PRMT2: variants seen among roughly 807,000 people sequenced by gnomAD.
PRMT2 encodes protein arginine N-methyltransferase 2.
A neutral mutation model predicts 57.6 loss-of-function variants in PRMT2; 26 were observed. That is an observed-to-expected ratio of 0.45 (90% CI 0.33 to 0.63). PRMT2 has a LOEUF of 0.63. Among genes scored for constraint, PRMT2 ranks in the 20% least tolerant of loss-of-function variants. PRMT2 has a pLI of 0.02. For synonymous variants in PRMT2, 219 were observed against 220.0 expected, an observed-to-expected ratio of 1.00 and a Z score of 0.04; for missense variants, 472 against 564.4, an observed-to-expected ratio of 0.84 and a Z score of 1.66.
intron 7 of PRMT2, among the ~76,000 whole-genome samples, chr21:46,655,312 C>T (rs1169083156): frequency 6.6e-6 from 1 of 151,972 alleles, no homozygotes; most frequent in Non-Finnish European, 1.5e-5. Flanking sequence ...CTCAAGAAAA[C>T]ATTAGCAAAT....
At position 46,639,061 on chromosome 21, in the gene PRMT2, A is replaced by T. The variant is rs181437424; in HGVS notation, c.39+2071A>T. Among the ~76,000 whole-genome samples the T allele has an allele frequency of 5.3e-5, 8 of 152,332 alleles. 1 individual carries two copies. In the East Asian group the frequency reaches 1.3e-3, roughly 26 times the overall value. On this transcript the variant is annotated intron_variant, in intron 3 of 11. Transcript: ENST00000355680. ...ACCTCACATATTTAAATGCATTTTCATTCTTCAAAATATTTTCTAATATAT... is the reference window on the plus strand; with the variant it reads ...ACCTCACATATTTAAATGCATTTTCTTTCTTCAAAATATTTTCTAATATAT...
intron 7 of PRMT2, among the ~76,000 whole-genome samples, chr21:46,651,518 G>C (rs1050110132): frequency 6.6e-6 from 1 of 152,118 alleles, no homozygotes; most frequent in South Asian, 2.1e-4. Context: ...GGGTGAGTCA[G>C]ACAGGACCAT....
chr21:46,663,793 G>A (rs772950500), intron 11 of PRMT2, among the ~76,000 whole-genome samples: 2 of 152,178 alleles, frequency 1.3e-5, no homozygotes, highest in Admixed American at 6.5e-5. Context: ...CAGGTGACAC[G>A]GTAAGTGAGG....
chr21:46,642,463 C>G (rs961277757), intron 3 of PRMT2, among the ~76,000 whole-genome samples: 1 of 152,158 alleles, frequency 6.6e-6, no homozygotes, highest in African/African-American at 2.4e-5. Context: ...TGTTACGTGT[C>G]CACTTTTTTA....
At chr21:46,661,077 CTAAT>C (rs942885925) in intron 9 of PRMT2, 115 bp downstream of exon 9, 9 of 1,017,360 alleles carry the variant, frequency 8.8e-6, no homozygotes, top group Non-Finnish European at 1.2e-5. Context: ...GAGTGAATAA[CTAAT>C]TATTTTATTA....
At chr21:46,646,350 A>G (rs987610610) in intron 5 of PRMT2, among the ~76,000 whole-genome samples, 1 of 152,226 alleles carries the variant, frequency 6.6e-6, no homozygotes, top group African/African-American at 2.4e-5. Context: ...TGAAAAGCCA[A>G]TTCCAGCCTC....
At position 46,649,748 on chromosome 21, in the gene PRMT2, G is replaced by A. The variant is rs768217905; in HGVS notation, c.654+9G>A. The A allele has an allele frequency of 3.9e-5, 63 of 1,610,586 alleles. No individual in the cohort carries two copies. Among genetic ancestry groups the A allele is most frequent in the Non-Finnish European group, 4.7e-5 (55 of 1,178,594 alleles). On this transcript the variant is annotated intron_variant, in intron 7 of 11. Transcript: ENST00000355680. This position sits in a 1 kb window ranked among gnomAD's most constrained non-coding sequence, Gnocchi z 4.8. The stretch of plus-strand genomic sequence containing the variant: ...TGGGGACCTGCCTGCTGGTGAGGGC[G>A]GGCGTGCGGGCAGCTGGGGGCCGGA...
intron 7 of PRMT2, chr21:46,652,624 T>C: frequency 1.0e-6 from 1 of 985,250 alleles, no homozygotes; most frequent in Non-Finnish European, 1.2e-6. Flanking sequence ...TGCACCGCCA[T>C]GCCCTTTTTT....
chr21:46,642,229 A>G (rs2148967147), intron 3 of PRMT2, among the ~76,000 whole-genome samples: 1 of 152,364 alleles, frequency 6.6e-6, no homozygotes, highest in East Asian at 1.9e-4. Flanking sequence ...ATACAGAATG[A>G]TTTATGTTGA....
At chr21:46,656,585 A>G (rs1465539046) in intron 7 of PRMT2, among the ~76,000 whole-genome samples, 2 of 152,174 alleles carry the variant, frequency 1.3e-5, no homozygotes, top group Non-Finnish European at 1.5e-5. Flanking sequence ...TAATGGAGAA[A>G]AGACAGTCTT....
intron 7 of PRMT2, chr21:46,651,965 C>T (rs2061464742): frequency 2.5e-6 from 4 of 1,613,316 alleles, no homozygotes; most frequent in Non-Finnish European, 3.4e-6. Flanking sequence ...AGCCCCTCAG[C>T]CCTCAGGCCT....
intron 5 of PRMT2, 108 bp downstream of exon 5, chr21:46,644,596 C>T (rs1171853296): frequency 8.6e-7 from 1 of 1,158,630 alleles, no homozygotes; most frequent in Non-Finnish European, 1.2e-6. Flanking sequence ...GGCCAGAGCT[C>T]CTCTGTTGTA....
At chr21:46,654,293 CTT>C (rs374387890) in intron 7 of PRMT2, 15 of 350,578 alleles carry the variant, frequency 4.3e-5, no homozygotes, top group African/African-American at 2.9e-4. Flanking sequence ...TTTTAACAGT[CTT>C]TGGAAAAAGT....
chr21:46,651,645 C>T (rs908078089), intron 7 of PRMT2, among the ~76,000 whole-genome samples: 6 of 152,108 alleles, frequency 3.9e-5, no homozygotes, highest in African/African-American at 1.2e-4. Context: ...CCACCACCAT[C>T]ATTACTCAGG....
rs1214073166 is a variant in PRMT2, at chr21:46,664,376, G to A, written c.*49G>A. On this transcript the variant is annotated 3_prime_UTR_variant, in exon 12 of 12. Coordinates refer to ENST00000355680, the MANE Select transcript of PRMT2 (RefSeq NM_206962.4). Reference sequence around the variant, plus strand: ...CAGTGTGCATATCTTGAGGGGTGATGAACACAAGCAAACCAAGTTGCACCT... The same window carrying A: ...CAGTGTGCATATCTTGAGGGGTGATAAACACAAGCAAACCAAGTTGCACCT... 1 of 1,613,330 alleles carries A rather than the reference G, an allele frequency of 6.2e-7. No homozygotes were observed. Among genetic ancestry groups the A allele is most frequent in the African/African-American group, 1.3e-5 (1 of 75,026 alleles).
Position 46,648,737 on chromosome 21 carries a change from T to A in PRMT2, c.489+118T>A. On this transcript the variant is annotated intron_variant, in intron 6 of 11. Coordinates refer to ENST00000355680, the MANE Select transcript of PRMT2 (RefSeq NM_206962.4). This position sits in a 1 kb window ranked among gnomAD's most constrained non-coding sequence, Gnocchi z 4.8. ...TGTTGGGGGCTCACCGGTGACTCCA[T>A]GGTCTTGTTGAGCACCCTGCACGTG... 7.5e-7 allele frequency: 1 copy of A among 1,325,472 alleles called. No individual in the cohort carries two copies. Among genetic ancestry groups the A allele is most frequent in the Non-Finnish European group, 1.0e-6 (1 of 956,608 alleles). The allele number at this position is 1,325,472 out of a possible 1,614,324, so 82.1% of individuals were successfully genotyped here.
intron 8 of PRMT2, chr21:46,659,766 A>G (rs73907584): frequency 0.048 from 47,489 of 985,228 alleles, 1,579 homozygotes; most frequent in African/African-American, 0.17. Flanking sequence ...CGGCACTGGA[A>G]GCCAGTGGCC....
chr21:46,658,726 GTC>G lies in PRMT2; in HGVS notation c.655-17_655-16del, dbSNP rs567897037. 1.7e-4 allele frequency: 278 copies of G among 1,612,506 alleles called. 1 individual carries two copies. In the African/African-American group the frequency reaches 2.6e-3, roughly 15 times the overall value. On this transcript the variant is annotated splice_polypyrimidine_tract_variant and intron_variant, in intron 7 of 11. Transcript: ENST00000355680. Reference sequence around the variant, plus strand: ...GGGGCCTGTGATGTGTCTCCTGTGTGTCTTTCACTCCTATGCAGTTTGAGTTC... The same window carrying G: ...GGGGCCTGTGATGTGTCTCCTGTGTGTTTCACTCCTATGCAGTTTGAGTTC...
chr21:46,642,955 C>CA (rs1379242262), intron 3 of PRMT2, among the ~76,000 whole-genome samples: 1 of 151,118 alleles, frequency 6.6e-6, no homozygotes, highest in African/African-American at 2.4e-5. Flanking sequence ...ACCTGGGAGG[C>CA]GGCAGAGGTT....
Sources: gnomAD v4.1 joint callset for allele counts (sites outside exome capture counted in the v4.1 genomes callset) on GRCh38, gnomAD v4.1.1 for gene constraint, Gnocchi (gnomAD v3.1) non-coding constraint, MANE v1.5 for transcripts, NCBI Gene and HGNC (gene_info 2026-07-23, HGNC 2026-07-21) for gene names.